Variants in TOP3B observed in about 807,000 individuals in gnomAD.
TOP3B encodes the protein DNA topoisomerase III beta, also known as DNA topoisomerase 3-beta-1.
A neutral mutation model predicts 93.9 loss-of-function variants in TOP3B; 45 were observed. That is an observed-to-expected ratio of 0.48 (90% CI 0.38 to 0.61). The LOEUF (loss-of-function observed/expected upper bound fraction) is 0.61, where lower values mean the gene tolerates loss of function less well. Ranked by LOEUF, TOP3B falls within the 20% of genes least tolerant of loss-of-function variation. The probability of loss-of-function intolerance (pLI) is 0.00; values close to 1 mark genes in which losing one functional copy is unlikely to be tolerated. For missense variants in TOP3B, 750 were observed against 1,156.1 expected, an observed-to-expected ratio of 0.65 and a Z score of 5.09; for synonymous variants, 357 against 472.6, an observed-to-expected ratio of 0.76 and a Z score of 3.17.
At chr22:21,978,258 T>C (rs148006615) in intron 1 of TOP3B, among the ~76,000 whole-genome samples, 1 of 151,200 alleles carries the variant, frequency 6.6e-6, no homozygotes, top group African/African-American at 2.4e-5. Context: ...GAGGGGAAGG[T>C]GAGTCAAGAA....
At chr22:21,968,119 G>T in intron 7 of TOP3B, 1 of 265,546 alleles carries the variant, frequency 3.8e-6, no homozygotes, top group South Asian at 4.9e-5. Context: ...CTGGAGTGCA[G>T]TGGCACGATC....
At position 21,967,729 on chromosome 22, in the gene TOP3B, G is replaced by A; in HGVS notation, c.739-13C>T. The A allele has an allele frequency of 6.2e-7, 1 of 1,603,198 alleles. No homozygotes were observed. The highest frequency in any genetic ancestry group is 8.5e-7 in the Non-Finnish European group (1 of 1,170,634). On this transcript the variant is annotated splice_polypyrimidine_tract_variant and intron_variant, in intron 7 of 17. Transcript: ENST00000357179. ...TGTCAGTGTTAACCTGCAGGAAAAA[G>A]GATAAAGGGTGAACGCACAAGAAAA... is the stretch of plus-strand genomic sequence containing the variant.
At chr22:21,959,917 C>A (rs1453732541) in intron 14 of TOP3B, 181 bp from the exon 15 acceptor site, 4 of 812,672 alleles carry the variant, frequency 4.9e-6, no homozygotes, top group African/African-American at 1.7e-5. Context: ...TGACCCCAGA[C>A]CTTTCCTGAT....
chr22:21,980,671 C>T (rs2084610376), intron 1 of TOP3B, among the ~76,000 whole-genome samples: 1 of 152,234 alleles, frequency 6.6e-6, no homozygotes, highest in African/African-American at 2.4e-5. Flanking sequence ...GCTCTCTGGC[C>T]CATGACAGCT....
chr22:21,962,646 G>C, intron 12 of TOP3B, 44 bp from the exon 13 acceptor site: 1 of 1,605,474 alleles, frequency 6.2e-7, no homozygotes. Context: ...AGCCTGGGTG[G>C]CCGGGGCCTC....
chr22:21,970,233 C>T lies in TOP3B; in HGVS notation c.558G>A (p.Leu186=), dbSNP rs116048331. The change falls in exon 6 of 18, where the codon CTG becomes CTA. Residue 186 remains leucine (L), a synonymous_variant. Transcript: ENST00000357179. The surrounding 1 kb of genome is among the most constrained non-coding windows in gnomAD (Gnocchi z 4.4). Reference sequence around the variant, plus strand: ...ACCTGGTGAATGCACAGCCGATTCGCAGGTCCAGCTCCTGGCGAGCATCCA... The same window carrying T: ...ACCTGGTGAATGCACAGCCGATTCGTAGGTCCAGCTCCTGGCGAGCATCCA... The part of the protein sequence containing the change: ...LSVDARQELD[L]RIGCAFTRFQ... 4.6e-5 allele frequency: 75 copies of T among 1,612,920 alleles called. 2 individuals are homozygous for T. The highest frequency in any genetic ancestry group is 1.7e-4 in the Middle Eastern group (1 of 6,012).
chr22:21,977,172 G>C (rs971522415), intron 1 of TOP3B: 1 of 152,130 alleles, frequency 6.6e-6, no homozygotes, highest in African/African-American at 2.4e-5. Flanking sequence ...CTCCAGCCTA[G>C]GTGACAGCAA....
At position 21,970,205 on chromosome 22, in the gene TOP3B, A is replaced by C; in HGVS notation, c.581+5T>G. On this transcript the variant is annotated splice_donor_5th_base_variant and intron_variant, in intron 6 of 17. Coordinates refer to ENST00000357179, the MANE Select transcript of TOP3B (RefSeq NM_001282112.2). This position sits in a 1 kb window ranked among gnomAD's most constrained non-coding sequence, Gnocchi z 4.4. ...TGCCCAGGACTCTGCGGGTGTGGCC[A>C]GCACCTGGTGAATGCACAGCCGATT... 1 of 1,609,576 alleles carries C rather than the reference A, an allele frequency of 6.2e-7. No individual in the cohort carries two copies. The highest frequency in any genetic ancestry group is 8.5e-7 in the Non-Finnish European group (1 of 1,179,820).
chr22:21,963,998 G>T lies in TOP3B; in HGVS notation c.1129C>A (p.Arg377Ser). ...CCGGCGTCATGGCCTTTCCGCGGGC[G>T]GTTGATACCTTCTGCTAACAACCGC... ...VKRLLAEGIN[R>S]PRKGHDAGDH... Residue 377 changes from arginine to serine, a missense_variant, in exon 11 of 18, where the codon CGC becomes AGC. Arg to Ser is a moderately radical substitution (Grantham distance 110). Coordinates refer to ENST00000357179, the MANE Select transcript of TOP3B (RefSeq NM_001282112.2). This position sits in a 1 kb window ranked among gnomAD's most constrained non-coding sequence, Gnocchi z 4.8. 1 of 1,611,282 alleles carries T rather than the reference G, an allele frequency of 6.2e-7. No individual in the cohort carries two copies. Among genetic ancestry groups the T allele is most frequent in the Non-Finnish European group, 8.5e-7 (1 of 1,178,992 alleles).
At chr22:21,960,596 C>G in intron 13 of TOP3B, 147 bp from the exon 14 acceptor site, 1 of 1,097,686 alleles carries the variant, frequency 9.1e-7, no homozygotes, top group Non-Finnish European at 1.3e-6. Flanking sequence ...CCTGAGCTCC[C>G]CCTGCACTGT....
intron 8 of TOP3B, chr22:21,967,325 C>T (rs184700975): frequency 2.3e-5 from 9 of 389,950 alleles, no homozygotes; most frequent in East Asian, 9.7e-5. Context: ...TAGCGGGTCA[C>T]GTGGAAAGGG....
chr22:21,957,985 C>T, intron 17 of TOP3B: 1 of 1,362,422 alleles, frequency 7.3e-7, no homozygotes, highest in Non-Finnish European at 9.6e-7. Context: ...CCCGGGGCAG[C>T]CTGGGTGCAG....
Position 21,959,200 on chromosome 22 carries a change from G to C in TOP3B, c.1837C>G (p.Pro613Ala). ...AGGGGCTTGCCTGTGGCCGCCAGGGGCGAGAAAGACACCTCCATCAACTCA... is the reference window on the plus strand; with the variant it reads ...AGGGGCTTGCCTGTGGCCGCCAGGGCCGAGAAAGACACCTCCATCAACTCA... ...MDELMEVSFS[P>A]LAATGKPLSR... is the part of the protein sequence containing the mutation. The change falls in exon 16 of 18, where the codon CCC becomes GCC. Residue 613 changes from proline (P) to alanine (A), a missense_variant. Coordinates refer to ENST00000357179, the MANE Select transcript of TOP3B (RefSeq NM_001282112.2). 6.2e-7 allele frequency: 1 copy of C among 1,613,490 alleles called. No individual in the cohort carries two copies. The highest frequency in any genetic ancestry group is 8.5e-7 in the Non-Finnish European group (1 of 1,179,986).
At chr22:21,960,575 G>A in intron 13 of TOP3B, 126 bp from the exon 14 acceptor site, 4 of 1,355,478 alleles carry the variant, frequency 3.0e-6, no homozygotes, top group Non-Finnish European at 4.0e-6. Context: ...TCACAGGAGG[G>A]AGGGCTGTGC....
intron 2 of TOP3B, 103 bp from the exon 3 acceptor site, chr22:21,974,591 T>C: frequency 3.1e-6 from 4 of 1,306,152 alleles, no homozygotes; most frequent in Non-Finnish European, 4.2e-6. Flanking sequence ...AGAGTCCTCC[T>C]TCCCCAGAGT....
chr22:21,959,287 T>C, intron 15 of TOP3B, 55 bp from the exon 16 acceptor site: 1 of 1,602,152 alleles, frequency 6.2e-7, no homozygotes, highest in South Asian at 1.1e-5. Flanking sequence ...AGCAAAAGGC[T>C]CCGCAACACG....
chr22:21,972,335 T>C, intron 4 of TOP3B: 2 of 470,852 alleles, frequency 4.2e-6, no homozygotes, highest in Non-Finnish European at 7.4e-6. Flanking sequence ...TGTATGCATT[T>C]GTTTTAAAAT....
Position 21,958,956 on chromosome 22 carries a change from T to C in TOP3B, c.1905+176A>G, listed in dbSNP as rs988975734. The C allele has an allele frequency of 6.4e-6, 7 of 1,087,198 alleles. No individual in the cohort carries two copies. The African/African-American group carries it at 1.1e-4, about 17-fold the overall frequency. The allele number at this position is 1,087,198 out of a possible 1,614,324, so 67.3% of individuals were successfully genotyped here. ...CACCATGTGTGTTTGCGTGGCCTAA[T>C]GGCTGTGTATTCTAGGGGACGTGGG... On this transcript the variant is annotated intron_variant, in intron 16 of 17. Transcript: ENST00000357179.
At chr22:21,972,132 T>C (rs1022981122) in intron 4 of TOP3B, 181 bp from the exon 5 acceptor site, 4 of 569,418 alleles carry the variant, frequency 7.0e-6, no homozygotes, top group African/African-American at 5.7e-5. Flanking sequence ...AGAAAAGAAT[T>C]GAGTTTATAA....
Sources: allele counts gnomAD v4.1 joint callset (sites outside exome capture counted in the v4.1 genomes callset), GRCh38; gene constraint gnomAD v4.1.1; non-coding constraint Gnocchi (gnomAD v3.1); transcripts MANE v1.5; gene names NCBI Gene and HGNC (gene_info 2026-07-23, HGNC 2026-07-21).